The following ITGBL1 variants were observed in gnomAD, a reference collection of about 807,000 sequenced individuals.
ITGBL1 encodes integrin beta-like protein 1.
A neutral mutation model predicts 68.5 loss-of-function variants in ITGBL1; 51 were observed. That is an observed-to-expected ratio of 0.74 (90% CI 0.59 to 0.94). The LOEUF (loss-of-function observed/expected upper bound fraction) is 0.94, where lower values mean the gene tolerates loss of function less well. Among genes scored for constraint, ITGBL1 ranks in the 40% least tolerant of loss-of-function variants. The pLI, the probability that ITGBL1 is intolerant of heterozygous loss-of-function variation, is 0.00. For missense variants in ITGBL1, 649 were observed against 647.4 expected (o/e 1.00, Z -0.03); for synonymous variants, 209 against 227.3 (o/e 0.92, Z 0.72).
chr13:101,671,921 C>A (rs1351737823), intron 7 of ITGBL1, among the ~76,000 whole-genome samples: 1 of 152,080 alleles, frequency 6.6e-6, no homozygotes, highest in African/African-American at 2.4e-5. Flanking sequence ...GGCTATATTA[C>A]AAAGGTTTTG....
intron 2 of ITGBL1, among the ~76,000 whole-genome samples, chr13:101,562,331 T>C (rs1211922495): frequency 6.6e-6 from 1 of 152,098 alleles, no homozygotes; most frequent in African/African-American, 2.4e-5. Flanking sequence ...GGTAGATTTA[T>C]ATCCAGCAAT....
At chr13:101,640,636 C>G (rs2032330480) in intron 7 of ITGBL1, among the ~76,000 whole-genome samples, 1 of 151,916 alleles carries the variant, frequency 6.6e-6, no homozygotes, top group African/African-American at 2.4e-5. Flanking sequence ...CTTCAACTTC[C>G]ATTTTGGATT....
chr13:101,580,493 T>G (rs1028374740), intron 5 of ITGBL1, among the ~76,000 whole-genome samples: 24 of 152,262 alleles, frequency 1.6e-4, no homozygotes, highest in African/African-American at 4.6e-4. Context: ...ACAACGTGCA[T>G]GTTTGTTACA....
intron 7 of ITGBL1, among the ~76,000 whole-genome samples, chr13:101,624,079 T>C (rs181699625): frequency 2.2e-4 from 34 of 152,284 alleles, no homozygotes; most frequent in African/African-American, 8.2e-4. Flanking sequence ...CCTGGAGATA[T>C]GCTTAGATGT....
chr13:101,699,872 A>G (rs2139572194), intron 8 of ITGBL1, among the ~76,000 whole-genome samples: 1 of 152,272 alleles, frequency 6.6e-6, no homozygotes, highest in African/African-American at 2.4e-5. Context: ...TTTAAACTCA[A>G]ATTTCCAGGA....
At chr13:101,671,685 A>G (rs1258777675) in intron 7 of ITGBL1, among the ~76,000 whole-genome samples, 3 of 151,420 alleles carry the variant, frequency 2.0e-5, no homozygotes, top group South Asian at 4.2e-4. Context: ...TGATCCGCCC[A>G]CCTCTGCCTC....
rs75806882 is a variant in ITGBL1 at position 101,497,549 on chromosome 13, A to G, written c.316+43449A>G. On this transcript the variant is annotated intron_variant, in intron 2 of 10. Transcript: ENST00000376180. ...ATGGAGGCAGAGTCTGAAAAGTTCT[A>G]CGTAATTGAGCAAAGTAGTGAAAAA... Among the ~76,000 whole-genome samples, 450 of 152,296 alleles carry G rather than the reference A, an allele frequency of 3.0e-3. 20 individuals are homozygous for G. Among genetic ancestry groups the G allele is most frequent in the Admixed American group, 0.026 (400 of 15,292 alleles).
Position 101,635,820 on chromosome 13 carries a change from C to G in ITGBL1, c.1015+37521C>G, listed in dbSNP as rs1053920307. On this transcript the variant is annotated intron_variant, in intron 7 of 10. Coordinates refer to ENST00000376180, the MANE Select transcript of ITGBL1 (RefSeq NM_004791.3). The stretch of plus-strand genomic sequence containing the variant: ...AATATCTGGGCTAATTTTCTACTCT[C>G]ATATGGAACTGAATAAAATCCAGAT... Among the ~76,000 whole-genome samples, 3 of 152,048 alleles carry G rather than the reference C, an allele frequency of 2.0e-5. No individual in the cohort carries two copies. In the East Asian group the frequency reaches 5.8e-4, roughly 29 times the overall value.
chr13:101,592,855 G>A (rs1294493379), intron 6 of ITGBL1, among the ~76,000 whole-genome samples: 1 of 151,938 alleles, frequency 6.6e-6, no homozygotes, highest in Non-Finnish European at 1.5e-5. Flanking sequence ...GTACTTTACT[G>A]TGGGCAAGAA....
intron 7 of ITGBL1, among the ~76,000 whole-genome samples, chr13:101,678,588 C>G (rs529138514): frequency 1.1e-4 from 17 of 151,948 alleles, no homozygotes; most frequent in African/African-American, 3.9e-4. Flanking sequence ...CAACCTCTGC[C>G]TCCTGGGTTC....
At chr13:101,650,535 T>G (rs1377279146) in intron 7 of ITGBL1, among the ~76,000 whole-genome samples, 2 of 152,108 alleles carry the variant, frequency 1.3e-5, no homozygotes, top group Non-Finnish European at 2.9e-5. Flanking sequence ...GTATCACCAG[T>G]GATTTAAAAT....
intron 2 of ITGBL1, among the ~76,000 whole-genome samples, chr13:101,523,609 C>T (rs1378657271): frequency 1.3e-5 from 2 of 152,146 alleles, no homozygotes; most frequent in Admixed American, 6.6e-5. Flanking sequence ...ACTTCCAAAA[C>T]GTCAAAACTA....
intron 8 of ITGBL1, among the ~76,000 whole-genome samples, chr13:101,705,303 A>AAAC (rs1555367870): frequency 6.7e-6 from 1 of 148,852 alleles, no homozygotes; most frequent in Non-Finnish European, 1.5e-5. Context: ...AAAAAAAAAA[A>AAAC]AAAAAACAAC....
At chr13:101,565,647 T>C (rs184305879) in intron 2 of ITGBL1, among the ~76,000 whole-genome samples, 1 of 152,266 alleles carries the variant, frequency 6.6e-6, no homozygotes, top group East Asian at 1.9e-4. Context: ...TTTTGCAAAT[T>C]CTAAGCTAAA....
intron 7 of ITGBL1, among the ~76,000 whole-genome samples, chr13:101,627,549 G>T (rs922857620): frequency 6.6e-6 from 1 of 151,902 alleles, no homozygotes; most frequent in Admixed American, 6.6e-5. Flanking sequence ...ATAATGACAC[G>T]TACCCACCAT....
intron 7 of ITGBL1, among the ~76,000 whole-genome samples, chr13:101,604,876 A>G (rs927002790): frequency 1.8e-5 from 1 of 54,684 alleles, no homozygotes; most frequent in African/African-American, 6.4e-5. Flanking sequence ...ATATATATAT[A>G]TATATATATA....
chr13:101,696,596 A>G (rs1459575978), intron 8 of ITGBL1, among the ~76,000 whole-genome samples: 1 of 152,048 alleles, frequency 6.6e-6, no homozygotes, highest in African/African-American at 2.4e-5. Context: ...TGATTTTTCC[A>G]AATTACCTCC....
At chr13:101,692,239 G>A (rs1019777586) in intron 7 of ITGBL1, among the ~76,000 whole-genome samples, 8 of 152,046 alleles carry the variant, frequency 5.3e-5, no homozygotes, top group African/African-American at 1.2e-4. Context: ...TATATATAAT[G>A]TATTATGTTA....
At chr13:101,619,365 T>C (rs4238229) in intron 7 of ITGBL1, among the ~76,000 whole-genome samples, 120,588 of 151,572 alleles carry the variant, frequency 0.8, 47,993 homozygotes, top group East Asian at 0.87. Context: ...CAAGTGGACA[T>C]GGGAAAGAAA....
Sources: gnomAD v4.1 joint callset for allele counts (sites outside exome capture counted in the v4.1 genomes callset) on GRCh38, gnomAD v4.1.1 for gene constraint, MANE v1.5 for transcripts, NCBI Gene and HGNC (gene_info 2026-07-23, HGNC 2026-07-21) for gene names.